Variants in UNC79 observed in about 807,000 individuals in gnomAD.
UNC79 encodes protein unc-79 homolog.
In UNC79, 37 loss-of-function variants were observed where a neutral mutation model predicts 283.1. The observed-to-expected ratio is 0.13, with a 90% CI of 0.10 to 0.17. The LOEUF is 0.17. Among genes scored for constraint, UNC79 ranks in the 10% least tolerant of loss-of-function variants. The pLI, the probability that UNC79 is intolerant of heterozygous loss-of-function variation, is 1.00. For missense variants in UNC79, 2,272 were observed against 3,211.1 expected, an observed-to-expected ratio of 0.71 and a Z score of 7.07; for synonymous variants, 1,107 against 1,200.2, an observed-to-expected ratio of 0.92 and a Z score of 1.61.
chr14:93,654,339 TAAAAG>T (rs1236237261), intron 37 of UNC79, among the ~76,000 whole-genome samples: 2 of 151,474 alleles, frequency 1.3e-5, no homozygotes, highest in African/African-American at 4.9e-5. Flanking sequence ...AAAATAAAAA[TAAAAG>T]AAATTAGCTG....
chr14:93,353,681 C>T (rs1181004613), intron 1 of UNC79, among the ~76,000 whole-genome samples: 1 of 152,202 alleles, frequency 6.6e-6, no homozygotes, highest in Admixed American at 6.5e-5. Context: ...AAAATCCAAA[C>T]CTGAAACCTT....
chr14:93,353,763 T>C (rs929148599), intron 1 of UNC79, among the ~76,000 whole-genome samples: 1 of 152,204 alleles, frequency 6.6e-6, no homozygotes, highest in Non-Finnish European at 1.5e-5. Flanking sequence ...TTTGGACACT[T>C]ACTGTACACC....
intron 7 of UNC79, among the ~76,000 whole-genome samples, chr14:93,518,955 A>G (rs1220616044): frequency 3.3e-5 from 5 of 151,954 alleles, no homozygotes; most frequent in African/African-American, 1.2e-4. Context: ...TGGAATACCT[A>G]TCTTGTTAAA....
chr14:93,410,560 C>T (rs184946994), intron 1 of UNC79, among the ~76,000 whole-genome samples: 1 of 152,290 alleles, frequency 6.6e-6, no homozygotes, highest in Admixed American at 6.5e-5. Flanking sequence ...CCCTTCCTTC[C>T]ACGTGAGGAG....
At chr14:93,460,379 G>C (rs1316058518) in intron 1 of UNC79, among the ~76,000 whole-genome samples, 2 of 151,614 alleles carry the variant, frequency 1.3e-5, no homozygotes, top group African/African-American at 4.8e-5. Flanking sequence ...GTGTGGTGGC[G>C]TGCACCTGTG....
chr14:93,655,648 AAAAAAAAAAAAAAC>A (rs1240494304), intron 38 of UNC79, among the ~76,000 whole-genome samples: 1 of 146,268 alleles, frequency 6.8e-6, no homozygotes, highest in African/African-American at 2.8e-5. Flanking sequence ...TGATTTGAAA[AAAAAAAAAAAAAAC>A]AAAAAAACAG....
At chr14:93,583,332 T>A (rs7149171) in intron 20 of UNC79, among the ~76,000 whole-genome samples, 3,200 of 148,424 alleles carry the variant, frequency 0.022, 47 homozygotes, top group South Asian at 0.094. Flanking sequence ...AAAAAAAAAA[T>A]AATAAATAAA....
intron 19 of UNC79, among the ~76,000 whole-genome samples, chr14:93,581,831 C>T (rs1046891055): frequency 6.6e-6 from 1 of 152,112 alleles, no homozygotes; most frequent in Non-Finnish European, 1.5e-5. Flanking sequence ...CGTTATTATT[C>T]CTTCCTAATC....
chr14:93,442,767 A>G (rs1248687301), intron 1 of UNC79, among the ~76,000 whole-genome samples: 2 of 152,218 alleles, frequency 1.3e-5, no homozygotes, highest in African/African-American at 4.8e-5. Flanking sequence ...ATATACAGTC[A>G]TGTAACCACT....
intron 30 of UNC79, among the ~76,000 whole-genome samples, chr14:93,624,966 G>GTA (rs984229904): frequency 5.9e-5 from 9 of 152,310 alleles, no homozygotes; most frequent in Admixed American, 5.2e-4. Flanking sequence ...AGTCCCTAGA[G>GTA]TACTGGGTCG....
chr14:93,545,891 A>G (rs1473523120), intron 14 of UNC79, among the ~76,000 whole-genome samples: 1 of 152,130 alleles, frequency 6.6e-6, no homozygotes, highest in African/African-American at 2.4e-5. Flanking sequence ...CTCAAAGTCA[A>G]TTTGGAGGAA....
chr14:93,488,638 A>G (rs1189417442), intron 5 of UNC79, among the ~76,000 whole-genome samples: 1 of 152,242 alleles, frequency 6.6e-6, no homozygotes, highest in Non-Finnish European at 1.5e-5. Context: ...GTTGGGTTGT[A>G]ACAGAAATAT....
chr14:93,568,903 T>C (rs1216297714), intron 14 of UNC79, among the ~76,000 whole-genome samples: 1 of 152,206 alleles, frequency 6.6e-6, no homozygotes, highest in African/African-American at 2.4e-5. Context: ...TCATAGAGGC[T>C]GTGGCTCAGC....
At position 93,432,861 on chromosome 14, in the gene UNC79, G is replaced by A. The variant is rs2055931368; in HGVS notation, c.22+1810G>A. Among the ~76,000 whole-genome samples, 3 of 152,180 alleles carry A rather than the reference G, an allele frequency of 2.0e-5. No individual in the cohort carries two copies. In the South Asian group the frequency reaches 6.2e-4, roughly 32 times the overall value. ...ATTACGTAAGTAATTTCAGGCTAAA[G>A]CCAGTGAGTATTACTGTCCTCTTCC... On this transcript the variant is annotated intron_variant, in intron 1 of 48. Transcript: ENST00000555664.
chr14:93,438,276 CTCAA>C (rs1231386751), intron 1 of UNC79, among the ~76,000 whole-genome samples: 1 of 152,104 alleles, frequency 6.6e-6, no homozygotes, highest in Admixed American at 6.5e-5. Flanking sequence ...CATGGTACCA[CTCAA>C]TCTATATATT....
chr14:93,465,886 G>A (rs1037443677), intron 1 of UNC79, among the ~76,000 whole-genome samples: 26 of 152,304 alleles, frequency 1.7e-4, no homozygotes, highest in African/African-American at 5.1e-4. Flanking sequence ...TGAGCAGACA[G>A]CATGTGCTGG....
chr14:93,485,286 A>G (rs12888256), intron 4 of UNC79, among the ~76,000 whole-genome samples: 45,899 of 150,034 alleles, frequency 0.31, 7,377 homozygotes, highest in East Asian at 0.65. Context: ...CATCTGAGAC[A>G]AGAATTTCTC....
chr14:93,651,769 C>T (rs991694875), intron 35 of UNC79, among the ~76,000 whole-genome samples: 20 of 151,920 alleles, frequency 1.3e-4, no homozygotes, highest in East Asian at 1.9e-4. Context: ...AACAGAGTTT[C>T]GCTCTTGTTG....
At chr14:93,376,180 G>A (rs545871014) in intron 1 of UNC79, among the ~76,000 whole-genome samples, 2 of 152,310 alleles carry the variant, frequency 1.3e-5, no homozygotes, top group South Asian at 2.1e-4. Flanking sequence ...AGGTGTTTAA[G>A]TTTCTAAGTT....
Sources: allele counts gnomAD v4.1 joint callset (sites outside exome capture counted in the v4.1 genomes callset), GRCh38; gene constraint gnomAD v4.1.1; transcripts MANE v1.5; gene names NCBI Gene and HGNC (gene_info 2026-07-23, HGNC 2026-07-21).